Variants in SH3RF3 observed in about 807,000 individuals in gnomAD.
SH3RF3 encodes the protein SH3 domain containing ring finger 3, also known as E3 ubiquitin-protein ligase SH3RF3.
SH3RF3 carries 29 observed loss-of-function variants against 66.3 expected under a neutral mutation model. The observed-to-expected ratio is 0.44, with a 90% CI of 0.33 to 0.60. The LOEUF is 0.60. Ranked by LOEUF, SH3RF3 falls within the 20% of genes least tolerant of loss-of-function variation. The pLI is 0.04. For synonymous variants in SH3RF3, 583 were observed against 532.0 expected (o/e 1.10, Z -1.32); for missense variants, 1,194 against 1,190.9 (o/e 1.00, Z -0.04).
intron 1 of SH3RF3, among the ~76,000 whole-genome samples, chr2:109,180,614 C>T (rs899586793): frequency 6.6e-5 from 10 of 152,158 alleles, no homozygotes; most frequent in African/African-American, 1.2e-4. Flanking sequence ...ATAAGTCTCA[C>T]GAGATCTGAT....
At chr2:109,210,382 G>A (rs1678945201) in intron 1 of SH3RF3, among the ~76,000 whole-genome samples, 1 of 152,194 alleles carries the variant, frequency 6.6e-6, no homozygotes, top group African/African-American at 2.4e-5. Flanking sequence ...GGGAAAGCCT[G>A]GTCTTTTCCG....
chr2:109,315,413 T>C (rs1331566086), intron 1 of SH3RF3, among the ~76,000 whole-genome samples: 1 of 152,236 alleles, frequency 6.6e-6, no homozygotes, highest in Non-Finnish European at 1.5e-5. Context: ...TCTGTCCCTA[T>C]CTCTGTAGGA....
chr2:109,428,871 G>A (rs1677112105), intron 5 of SH3RF3, among the ~76,000 whole-genome samples: 1 of 152,138 alleles, frequency 6.6e-6, no homozygotes, highest in Non-Finnish European at 1.5e-5. Context: ...GGAGCCAGGA[G>A]GTTGTGAGCC....
At chr2:109,256,928 G>T (rs1680235502) in intron 1 of SH3RF3, among the ~76,000 whole-genome samples, 1 of 152,188 alleles carries the variant, frequency 6.6e-6, no homozygotes, top group Admixed American at 6.5e-5. Flanking sequence ...AACGGTGGTG[G>T]ATGGAGATGT....
intron 1 of SH3RF3, among the ~76,000 whole-genome samples, chr2:109,299,437 A>T (rs772676151): frequency 9.9e-5 from 15 of 151,952 alleles, no homozygotes; most frequent in Non-Finnish European, 1.8e-4. Context: ...AGATCACCCT[A>T]AGGGTGATCT....
intron 1 of SH3RF3, among the ~76,000 whole-genome samples, chr2:109,193,853 C>T (rs1050423551): frequency 1.3e-5 from 2 of 152,108 alleles, no homozygotes; most frequent in Admixed American, 1.3e-4. Flanking sequence ...CGTCTAGCCC[C>T]GGGGATGGGT....
chr2:109,156,421 G>C (rs1374928915), intron 1 of SH3RF3, among the ~76,000 whole-genome samples: 1 of 152,132 alleles, frequency 6.6e-6, no homozygotes, highest in Admixed American at 6.5e-5. Flanking sequence ...ATTCAGGGGA[G>C]AGGATACACT....
chr2:109,282,498 C>T (rs1227371066), intron 1 of SH3RF3, among the ~76,000 whole-genome samples: 5 of 152,148 alleles, frequency 3.3e-5, no homozygotes, highest in South Asian at 2.1e-4. Context: ...ACCAAGACGC[C>T]GGCCTGCCCT....
At position 109,277,247 on chromosome 2, in the gene SH3RF3, C is replaced by T. The variant is rs556289264; in HGVS notation, c.574-70427C>T. Among the ~76,000 whole-genome samples the T allele has an allele frequency of 2.6e-5, 4 of 152,258 alleles. No individual in the cohort carries two copies. In the East Asian group the frequency reaches 7.7e-4, roughly 29 times the overall value. The stretch of plus-strand genomic sequence containing the variant: ...GCATTTCGGATGTGTCACACTTGGC[C>T]TCTCCCTCACTGTACAGGAACCTGG... On this transcript the variant is annotated intron_variant, in intron 1 of 9. Coordinates refer to ENST00000309415, the MANE Select transcript of SH3RF3 (RefSeq NM_001099289.3).
intron 1 of SH3RF3, among the ~76,000 whole-genome samples, chr2:109,198,708 ATC>A: frequency 6.6e-6 from 1 of 152,266 alleles, no homozygotes; most frequent in South Asian, 2.1e-4. Flanking sequence ...AAGGGGACTA[ATC>A]CCATTCGTGA....
chr2:109,306,379 G>A (rs1349301061), intron 1 of SH3RF3, among the ~76,000 whole-genome samples: 11 of 152,220 alleles, frequency 7.2e-5, no homozygotes, highest in Admixed American at 7.2e-4. Context: ...CCTGCAGAGT[G>A]CTTGGAGATT....
At chr2:109,227,243 G>C (rs1276407022) in intron 1 of SH3RF3, among the ~76,000 whole-genome samples, 3 of 152,182 alleles carry the variant, frequency 2.0e-5, no homozygotes, top group African/African-American at 7.2e-5. Flanking sequence ...AAAGTTGGGG[G>C]AAGGAGCTAA....
chr2:109,280,388 C>T (rs1008551488), intron 1 of SH3RF3, among the ~76,000 whole-genome samples: 40 of 152,164 alleles, frequency 2.6e-4, no homozygotes, highest in African/African-American at 9.7e-4. Context: ...AGCATCCCAC[C>T]TGAGTGCGCT....
Position 109,350,187 on chromosome 2 carries a change from G to A in SH3RF3, c.849+2238G>A, listed in dbSNP as rs74330265. 3.9e-4 allele frequency among the ~76,000 whole-genome samples: 60 copies of A among 152,312 alleles called. No homozygotes were observed. The East Asian group carries it at 0.011, about 27-fold the overall frequency. On this transcript the variant is annotated intron_variant, in intron 2 of 9. Coordinates refer to ENST00000309415, the MANE Select transcript of SH3RF3 (RefSeq NM_001099289.3). ...TCATTCTGCGGTTGGCATGTGGGGT[G>A]GGGGTAGCCGAGCAGGGGTCCATCT...
At chr2:109,348,914 G>T (rs1682780896) in intron 2 of SH3RF3, among the ~76,000 whole-genome samples, 1 of 152,144 alleles carries the variant, frequency 6.6e-6, no homozygotes, top group Non-Finnish European at 1.5e-5. Context: ...CCTACACAGG[G>T]AATTCTTCCC....
chr2:109,181,843 T>A (rs1015941664), intron 1 of SH3RF3, among the ~76,000 whole-genome samples: 3 of 152,056 alleles, frequency 2.0e-5, no homozygotes, highest in Non-Finnish European at 4.4e-5. Context: ...GACCTACACC[T>A]TTTTTTTCCA....
At chr2:109,474,740 G>A (rs1266884341) in intron 8 of SH3RF3, among the ~76,000 whole-genome samples, 2 of 152,240 alleles carry the variant, frequency 1.3e-5, no homozygotes, top group Admixed American at 6.5e-5. Context: ...CAGTGGGGCA[G>A]AGCCAGATGG....
intron 1 of SH3RF3, among the ~76,000 whole-genome samples, chr2:109,153,426 A>G (rs986905423): frequency 2.0e-5 from 3 of 152,228 alleles, no homozygotes; most frequent in African/African-American, 7.2e-5. Context: ...ATTTGGACAG[A>G]TTAGTTCTGC....
intron 5 of SH3RF3, among the ~76,000 whole-genome samples, chr2:109,424,715 G>A (rs984640405): frequency 4.6e-5 from 7 of 152,116 alleles, no homozygotes; most frequent in Non-Finnish European, 5.9e-5. Context: ...GAACTTACTC[G>A]ATAAGTGATG....
Sources: gnomAD v4.1 joint callset for allele counts (sites outside exome capture counted in the v4.1 genomes callset) on GRCh38, gnomAD v4.1.1 for gene constraint, MANE v1.5 for transcripts, NCBI Gene and HGNC (gene_info 2026-07-23, HGNC 2026-07-21) for gene names.